The following LRBA variants were observed in gnomAD, a reference collection of about 807,000 sequenced individuals.
The protein encoded by LRBA is LPS responsive beige-like anchor protein, also known as lipopolysaccharide-responsive and beige-like anchor protein.
LRBA carries 176 observed loss-of-function variants against 330.0 expected under a neutral mutation model. The observed-to-expected ratio is 0.53, with a 90% CI of 0.47 to 0.60. The LOEUF (loss-of-function observed/expected upper bound fraction) is 0.60, where lower values mean the gene tolerates loss of function less well. LRBA is among the 20% of genes least tolerant of loss of function. The pLI is 0.00. For missense variants in LRBA, 3,259 were observed against 3,444.8 expected (o/e 0.95, Z 1.35); for synonymous variants, 1,230 against 1,193.0 (o/e 1.03, Z -0.64).
At chr4:150,618,607 A>T (rs1205518396) in intron 37 of LRBA, among the ~76,000 whole-genome samples, 1 of 152,056 alleles carries the variant, frequency 6.6e-6, no homozygotes, top group Non-Finnish European at 1.5e-5. Context: ...TATATAAAAA[A>T]TTAGTTGCAC....
intron 46 of LRBA, among the ~76,000 whole-genome samples, chr4:150,426,996 G>T (rs1459566566): frequency 1.3e-5 from 2 of 151,620 alleles, no homozygotes; most frequent in Non-Finnish European, 1.5e-5. Flanking sequence ...TTATAATTTG[G>T]AAAGAAATAA....
chr4:151,002,196 CAAAAAA>C (rs143587760), intron 2 of LRBA, among the ~76,000 whole-genome samples: 20 of 24,408 alleles, frequency 8.2e-4, no homozygotes, highest in South Asian at 2.9e-3. Context: ...CATAAAACAG[CAAAAAA>C]AAAAAAAAAA....
intron 12 of LRBA, 62 bp downstream of exon 12, chr4:150,906,235 T>TA (rs1225685389): frequency 3.8e-6 from 4 of 1,062,862 alleles, no homozygotes; most frequent in Admixed American, 2.0e-5. Flanking sequence ...CTTAGCCACT[T>TA]AGAGAACAAA....
At chr4:150,703,175 A>T (rs1785281568) in intron 36 of LRBA, among the ~76,000 whole-genome samples, 2 of 152,240 alleles carry the variant, frequency 1.3e-5, no homozygotes, top group Non-Finnish European at 2.9e-5. Flanking sequence ...AGAAAAAAAA[A>T]GTATTTGCCT....
chr4:150,359,431 T>C (rs966295114), intron 47 of LRBA, among the ~76,000 whole-genome samples: 1 of 151,866 alleles, frequency 6.6e-6, no homozygotes, highest in Non-Finnish European at 1.5e-5. Flanking sequence ...GGGGACAGAG[T>C]TCAGAAAGAT....
chr4:150,896,528 A>C, intron 15 of LRBA, 72 bp from the exon 16 acceptor site: 1 of 781,438 alleles, frequency 1.3e-6, no homozygotes, highest in Non-Finnish European at 2.1e-6. Context: ...ATACACATAG[A>C]TTTGTCAAGT....
intron 36 of LRBA, among the ~76,000 whole-genome samples, chr4:150,690,359 T>C (rs1329451734): frequency 6.6e-6 from 1 of 151,808 alleles, no homozygotes; most frequent in African/African-American, 2.4e-5. Flanking sequence ...AAAAAGTAGT[T>C]TGGCATGGTG....
At chr4:150,833,659 T>G (rs1007704772) in intron 28 of LRBA, among the ~76,000 whole-genome samples, 2 of 152,208 alleles carry the variant, frequency 1.3e-5, no homozygotes, top group African/African-American at 4.8e-5. Context: ...GAACTTTCAG[T>G]GAGTCACAAT....
At chr4:150,512,756 TC>T (rs1168064832) in intron 40 of LRBA, among the ~76,000 whole-genome samples, 3 of 150,472 alleles carry the variant, frequency 2.0e-5, no homozygotes, top group African/African-American at 7.3e-5. Flanking sequence ...GAGTCCTTGT[TC>T]TGCAGTGAAT....
chr4:150,875,247 G>A (rs537880117), intron 17 of LRBA, among the ~76,000 whole-genome samples: 89 of 152,260 alleles, frequency 5.8e-4, no homozygotes, highest in African/African-American at 1.9e-3. Flanking sequence ...CCACCATTCC[G>A]GTGCAGAAAT....
intron 40 of LRBA, among the ~76,000 whole-genome samples, chr4:150,551,545 G>A (rs1379862037): frequency 6.7e-6 from 1 of 150,316 alleles, no homozygotes; most frequent in Admixed American, 6.6e-5. Context: ...CAGGAGTGGT[G>A]GAACATGCCT....
intron 5 of LRBA, among the ~76,000 whole-genome samples, chr4:150,920,784 G>A (rs553224385): frequency 2.6e-5 from 4 of 152,128 alleles, no homozygotes; most frequent in South Asian, 2.1e-4. Flanking sequence ...GAAAACTTGC[G>A]TAGTAAGTTT....
intron 34 of LRBA, among the ~76,000 whole-genome samples, chr4:150,782,487 T>C (rs895774524): frequency 1.3e-5 from 2 of 152,318 alleles, no homozygotes; most frequent in African/African-American, 4.8e-5. Context: ...TCCTTGCTTC[T>C]TCCAGCTTCT....
At chr4:151,011,738 G>A (rs1429370068) in intron 2 of LRBA, among the ~76,000 whole-genome samples, 1 of 151,614 alleles carries the variant, frequency 6.6e-6, no homozygotes, top group East Asian at 1.9e-4. Flanking sequence ...TGCTCTGCAT[G>A]ATTGTAGCTC....
chr4:150,341,794 C>G (rs1010708547), intron 48 of LRBA, among the ~76,000 whole-genome samples: 9 of 151,406 alleles, frequency 5.9e-5, no homozygotes, highest in African/African-American at 4.8e-5. Context: ...ACCTACTAAA[C>G]TTCATCAATG....
At chr4:150,445,344 CCTCTCT>C (rs1317931739) in intron 44 of LRBA, among the ~76,000 whole-genome samples, 8 of 59,224 alleles carry the variant, frequency 1.4e-4, no homozygotes, top group East Asian at 8.1e-4. Flanking sequence ...TTTCGGAAAA[CCTCTCT>C]CTCTCTCTCT....
intron 40 of LRBA, among the ~76,000 whole-genome samples, chr4:150,502,110 C>T (rs1760362571): frequency 6.6e-6 from 1 of 152,180 alleles, no homozygotes; most frequent in Non-Finnish European, 1.5e-5. Flanking sequence ...CAGCCTTCAG[C>T]TGAGTACTGA....
intron 5 of LRBA, 124 bp downstream of exon 5, chr4:150,921,074 T>A (rs1733201286): frequency 1.6e-6 from 1 of 611,200 alleles, no homozygotes; most frequent in Non-Finnish European, 3.0e-6. Context: ...TCATAAGGAT[T>A]AAAGTATGTT....
intron 37 of LRBA, among the ~76,000 whole-genome samples, chr4:150,628,703 T>C (rs1033931527): frequency 6.6e-6 from 1 of 152,238 alleles, no homozygotes; most frequent in East Asian, 1.9e-4. Flanking sequence ...GAACCATGAG[T>C]CCTTCTTTTA....
Sources: allele counts gnomAD v4.1 joint callset (sites outside exome capture counted in the v4.1 genomes callset), GRCh38; gene constraint gnomAD v4.1.1; transcripts MANE v1.5; gene names NCBI Gene and HGNC (gene_info 2026-07-23, HGNC 2026-07-21).